Variants in SPACA7 observed in about 807,000 individuals in gnomAD.
The protein encoded by SPACA7 is sperm acrosome-associated protein 7.
In SPACA7, 19 loss-of-function variants were observed where a neutral mutation model predicts 26.3. The observed-to-expected ratio is 0.72, with a 90% CI of 0.50 to 1.06. The LOEUF is 1.06. SPACA7 is among the 50% of genes least tolerant of loss of function. SPACA7 has a pLI of 0.00. For synonymous variants in SPACA7, 84 were observed against 84.5 expected, an observed-to-expected ratio of 0.99 and a Z score of 0.04; for missense variants, 211 against 229.9, an observed-to-expected ratio of 0.92 and a Z score of 0.53.
chr13:112,380,596 T>G (rs1412707548), intron 1 of SPACA7, among the ~76,000 whole-genome samples: 1 of 152,162 alleles, frequency 6.6e-6, no homozygotes. Context: ...CTCTCTTTTT[T>G]TCTCAGAGAC....
chr13:112,379,519 C>T (rs886694877), intron 1 of SPACA7, among the ~76,000 whole-genome samples: 5 of 152,134 alleles, frequency 3.3e-5, no homozygotes, highest in African/African-American at 1.2e-4. Flanking sequence ...GAAATTAGGA[C>T]TCATAACTTT....
At chr13:112,379,044 G>A (rs371045641) in intron 1 of SPACA7, among the ~76,000 whole-genome samples, 17 of 152,110 alleles carry the variant, frequency 1.1e-4, no homozygotes, top group Admixed American at 7.9e-4. Flanking sequence ...AAGAGAAACC[G>A]GAAGCAGAGA....
At chr13:112,418,402 T>C (rs1249617385) in intron 5 of SPACA7, among the ~76,000 whole-genome samples, 3 of 152,102 alleles carry the variant, frequency 2.0e-5, no homozygotes, top group African/African-American at 7.2e-5. Context: ...ATGCTACGAC[T>C]GCTAACAAGA....
intron 5 of SPACA7, among the ~76,000 whole-genome samples, chr13:112,401,670 C>T (rs530331710): frequency 9.9e-5 from 15 of 152,194 alleles, no homozygotes; most frequent in Non-Finnish European, 1.9e-4. Context: ...AAGTCTTTCT[C>T]CACACTGAGG....
chr13:112,409,216 A>C (rs1035471094), intron 5 of SPACA7, among the ~76,000 whole-genome samples: 1 of 152,262 alleles, frequency 6.6e-6, no homozygotes, highest in African/African-American at 2.4e-5. Context: ...AAATTAATTC[A>C]AGATGGATTA....
intron 1 of SPACA7, among the ~76,000 whole-genome samples, chr13:112,388,599 A>G (rs1297234584): frequency 6.6e-6 from 1 of 152,226 alleles, no homozygotes; most frequent in East Asian, 1.9e-4. Flanking sequence ...TGGATATCCA[A>G]AAAGGCAGTA....
At chr13:112,378,699 T>C in intron 1 of SPACA7, 1 of 471,268 alleles carries the variant, frequency 2.1e-6, no homozygotes. Context: ...TTCACTCACC[T>C]GTGGGATGGG....
intron 5 of SPACA7, among the ~76,000 whole-genome samples, chr13:112,432,114 G>A (rs957340846): frequency 7.9e-5 from 12 of 152,224 alleles, no homozygotes; most frequent in Admixed American, 4.6e-4. Flanking sequence ...ACCAGCAGTG[G>A]GGAGCCCTTA....
chr13:112,382,656 G>A, intron 1 of SPACA7: 1 of 1,135,928 alleles, frequency 8.8e-7, no homozygotes, highest in Non-Finnish European at 1.2e-6. Context: ...GGTAAATAAT[G>A]AGTCCTAGGA....
chr13:112,405,159 T>A (rs534118953), intron 5 of SPACA7, among the ~76,000 whole-genome samples: 2 of 152,156 alleles, frequency 1.3e-5, no homozygotes, highest in African/African-American at 2.4e-5. Flanking sequence ...ATTTTTTGTA[T>A]TTTTAGTAGA....
At chr13:112,389,474 T>C (rs1485064618) in intron 1 of SPACA7, among the ~76,000 whole-genome samples, 1 of 152,250 alleles carries the variant, frequency 6.6e-6, no homozygotes, top group African/African-American at 2.4e-5. Flanking sequence ...AGTCTCAAAC[T>C]AGCTTTATAT....
chr13:112,418,761 A>T (rs1233524019), intron 5 of SPACA7, among the ~76,000 whole-genome samples: 1 of 152,238 alleles, frequency 6.6e-6, no homozygotes, highest in Non-Finnish European at 1.5e-5. Flanking sequence ...AAATAATAGC[A>T]TTACTAGACT....
chr13:112,395,261 C>T (rs1414190610), intron 2 of SPACA7, among the ~76,000 whole-genome samples: 2 of 152,214 alleles, frequency 1.3e-5, no homozygotes, highest in East Asian at 3.9e-4. Flanking sequence ...GTGGCTTTCT[C>T]TGGTCGGCTC....
At chr13:112,414,954 G>A (rs529186128) in intron 5 of SPACA7, among the ~76,000 whole-genome samples, 57 of 152,244 alleles carry the variant, frequency 3.7e-4, no homozygotes, top group Non-Finnish European at 5.7e-4. Flanking sequence ...TCCTTCAGAG[G>A]ACCTTTCATT....
intron 5 of SPACA7, among the ~76,000 whole-genome samples, chr13:112,407,634 C>T (rs1886072484): frequency 6.6e-6 from 1 of 152,112 alleles, no homozygotes; most frequent in Non-Finnish European, 1.5e-5. Flanking sequence ...TGGATAAATT[C>T]CTGGACACGT....
At position 112,432,518 on chromosome 13, in the gene SPACA7, T is replaced by C. The variant is rs145521765; in HGVS notation, c.520T>C (p.Ser174Pro). Residue 174 changes from serine (S) to proline (P), a missense_variant, in exon 6 of 7, where the codon TCA (serine) becomes CCA (proline). Coordinates refer to ENST00000283550, the MANE Select transcript of SPACA7 (RefSeq NM_145248.5). ...AATCCTTCAAAATATTGGAAGATCT[T>C]CAGGTAGATTGGAAATAATAGATAA... ...DQILQNIGRS[S>P]GNIFHKEQQR... 3.8e-6 allele frequency: 6 copies of C among 1,595,144 alleles called. No individual in the cohort carries two copies. The African/African-American group carries it at 5.4e-5, about 14-fold the overall frequency.
At chr13:112,420,915 T>C (rs1411301189) in intron 5 of SPACA7, among the ~76,000 whole-genome samples, 1 of 152,144 alleles carries the variant, frequency 6.6e-6, no homozygotes, top group Non-Finnish European at 1.5e-5. Context: ...TAGAGGACAG[T>C]GGAATGACAT....
chr13:112,410,388 C>A (rs1886274687), intron 5 of SPACA7, among the ~76,000 whole-genome samples: 1 of 151,264 alleles, frequency 6.6e-6, no homozygotes, highest in African/African-American at 2.4e-5. Context: ...TATATATATT[C>A]CTTGTTGTTT....
chr13:112,406,607 A>T (rs973976704), intron 5 of SPACA7, among the ~76,000 whole-genome samples: 1 of 152,216 alleles, frequency 6.6e-6, no homozygotes, highest in Non-Finnish European at 1.5e-5. Flanking sequence ...CCATGAAAAG[A>T]TGTTCATTAT....
Sources: allele counts gnomAD v4.1 joint callset (sites outside exome capture counted in the v4.1 genomes callset), GRCh38; gene constraint gnomAD v4.1.1; transcripts MANE v1.5; gene names NCBI Gene and HGNC (gene_info 2026-07-23, HGNC 2026-07-21).